Variants in TMX2 observed in about 807,000 individuals in gnomAD.
TMX2 encodes the protein thioredoxin-related transmembrane protein 2.
A neutral mutation model predicts 33.4 loss-of-function variants in TMX2; 20 were observed. That is an observed-to-expected ratio of 0.60 (90% confidence interval 0.42 to 0.87). The LOEUF (loss-of-function observed/expected upper bound fraction) is 0.87. Among genes scored for constraint, TMX2 ranks in the 40% least tolerant of loss-of-function variants. The probability of loss-of-function intolerance (pLI) is 0.00; values close to 1 mark genes in which losing one functional copy is unlikely to be tolerated. For synonymous variants in TMX2, 166 were observed against 140.7 expected (o/e 1.18, Z -1.27); for missense variants, 340 against 370.7 (o/e 0.92, Z 0.68).
Position 57,740,114 on chromosome 11 carries a change from G to C in TMX2, c.760G>C (p.Glu254Gln). 1 of 1,613,948 alleles carries C rather than the reference G, an allele frequency of 6.2e-7. No individual in the cohort carries two copies. Among genetic ancestry groups the C allele is most frequent in the African/African-American group, 1.3e-5 (1 of 75,020 alleles). Reference sequence around the variant, plus strand: ...TTTTGTGCAGGAGAATGTGATCCGAGAATTTAACTTAAATGAGCTATACCA... The same window carrying C: ...TTTTGTGCAGGAGAATGTGATCCGACAATTTAACTTAAATGAGCTATACCA... ...WTFSEENVIREFNLNELYQRA... is the reference protein window; with the variant it reads ...WTFSEENVIRQFNLNELYQRA... The change falls in exon 8 of 8, where the codon GAA (glutamate) becomes CAA (glutamine). Residue 254 changes from glutamate (E) to glutamine (Q), a missense_variant. Around this residue, in one of 3 missense-constraint regions of TMX2, gnomAD observed 209 missense variants for 241.6 expected, o/e 0.87. Coordinates refer to ENST00000278422, the MANE Select transcript of TMX2 (RefSeq NM_015959.4).
rs201985105 is a variant in TMX2 at position 57,712,646 on chromosome 11, C to T, written c.28C>T (p.Leu10Phe). 1.2e-5 allele frequency: 20 copies of T among 1,614,004 alleles called. No individual in the cohort carries two copies. The highest frequency in any genetic ancestry group is 5.5e-5 in the South Asian group (5 of 91,064). ...GGCGGTCTTGGCACCTCTAATTGCT[C>T]TCGTGTATTCGGTGCCGCGACTTTC... MAVLAPLIA[L>F]VYSVPRLSRW... Residue 10 changes from leucine to phenylalanine, a missense_variant, in exon 1 of 8, where the codon CTC becomes TTC. Transcript: ENST00000278422.
intron 1 of TMX2, among the ~76,000 whole-genome samples, chr11:57,722,415 G>C (rs1187775979): frequency 2.0e-5 from 3 of 152,206 alleles, no homozygotes; most frequent in African/African-American, 7.2e-5. Flanking sequence ...GGCCTTGAAA[G>C]ATGGCTCTCT....
chr11:57,712,896 G>A (rs1053230240), intron 1 of TMX2, 89 bp downstream of exon 1: 1 of 1,406,052 alleles, frequency 7.1e-7, no homozygotes, highest in Non-Finnish European at 9.8e-7. Context: ...ACCTCTCTGA[G>A]GACACCTGAG....
chr11:57,727,988 C>T (rs1310022779), intron 1 of TMX2, among the ~76,000 whole-genome samples: 5 of 152,058 alleles, frequency 3.3e-5, no homozygotes, highest in East Asian at 3.9e-4. Flanking sequence ...CCTTTCTGAA[C>T]GAAACCAATG....
intron 1 of TMX2, 40 bp from the exon 2 acceptor site, chr11:57,737,568 G>A (rs751866322): frequency 1.9e-6 from 3 of 1,568,126 alleles, no homozygotes; most frequent in Non-Finnish European, 1.8e-6. Flanking sequence ...GTTAGCTCTA[G>A]TCACTGCATT....
In TMX2 at chr11:57,712,868, C is replaced by T. The variant is rs1946705142; in HGVS notation, c.189+61C>T. The T allele has an allele frequency of 1.9e-6, 3 of 1,583,720 alleles. No homozygotes were observed. In the Admixed American group the frequency reaches 5.1e-5, roughly 27 times the overall value. On this transcript the variant is annotated intron_variant, in intron 1 of 7. Coordinates refer to ENST00000278422, the MANE Select transcript of TMX2 (RefSeq NM_015959.4). ...ACTGTCCCTGCCCTTGCAGGTGTAT[C>T]TGGGAACCCTGGGGTTTACCTCTCT...
chr11:57,722,094 T>TA (rs1476604708), intron 1 of TMX2, among the ~76,000 whole-genome samples: 2 of 152,134 alleles, frequency 1.3e-5, no homozygotes, highest in African/African-American at 2.4e-5. Context: ...CTGCTGCACT[T>TA]AAGCCATCCT....
At chr11:57,738,231 G>A (rs1052404183) in intron 3 of TMX2, 123 bp from the exon 4 acceptor site, 64 of 791,556 alleles carry the variant, frequency 8.1e-5, no homozygotes, top group Non-Finnish European at 1.3e-4. Context: ...GGAATGTGTT[G>A]GTGGTCTACA....
chr11:57,734,065 G>A (rs988577866), intron 1 of TMX2, among the ~76,000 whole-genome samples: 9 of 149,370 alleles, frequency 6.0e-5, no homozygotes, highest in South Asian at 2.1e-4. Flanking sequence ...CCAGCTACTC[G>A]GGAAGCTGAG....
intron 1 of TMX2, among the ~76,000 whole-genome samples, chr11:57,736,542 TATATC>T (rs1948761879): frequency 6.6e-6 from 1 of 151,934 alleles, no homozygotes; most frequent in Admixed American, 6.6e-5. Flanking sequence ...GCTCTCAAAT[TATATC>T]AAAAGTACAT....
At chr11:57,729,323 G>GT (rs531656665) in intron 1 of TMX2, among the ~76,000 whole-genome samples, 14 of 150,322 alleles carry the variant, frequency 9.3e-5, no homozygotes, top group South Asian at 4.2e-4. Context: ...TCTAGGTTCT[G>GT]TTTTTTTTTC....
At chr11:57,718,532 G>T (rs1479410693) in intron 1 of TMX2, 16 of 720,386 alleles carry the variant, frequency 2.2e-5, no homozygotes, top group Non-Finnish European at 3.8e-5. Context: ...GTTGACCATG[G>T]CTGATAGTAC....
intron 1 of TMX2, among the ~76,000 whole-genome samples, chr11:57,728,435 A>C (rs530147110): frequency 1.3e-5 from 2 of 152,138 alleles, no homozygotes; most frequent in Non-Finnish European, 2.9e-5. Context: ...CAGAACCCCA[A>C]AGGAGTTGCC....
intron 1 of TMX2, among the ~76,000 whole-genome samples, chr11:57,737,380 C>T (rs1350445331): frequency 2.0e-5 from 3 of 152,170 alleles, no homozygotes; most frequent in Non-Finnish European, 2.9e-5. Flanking sequence ...AAGAGTGAAA[C>T]TCTGTCTCAA....
chr11:57,737,777 A>C, intron 2 of TMX2, 109 bp downstream of exon 2: 1 of 1,584,948 alleles, frequency 6.3e-7, no homozygotes, highest in Admixed American at 1.7e-5. Context: ...TCCTACGTTT[A>C]ATTCCAAGGC....
chr11:57,720,151 A>G (rs935240100), intron 1 of TMX2, among the ~76,000 whole-genome samples: 6 of 144,572 alleles, frequency 4.2e-5, no homozygotes, highest in African/African-American at 1.5e-4. Flanking sequence ...AAAAAAAAAA[A>G]AAGGTGCCAC....
At chr11:57,713,637 A>G (rs1946785061) in intron 1 of TMX2, among the ~76,000 whole-genome samples, 1 of 152,218 alleles carries the variant, frequency 6.6e-6, no homozygotes, top group Admixed American at 6.5e-5. Context: ...GGGCACATTA[A>G]TAGGAGAAAG....
chr11:57,717,739 G>A, intron 1 of TMX2, among the ~76,000 whole-genome samples: 1 of 110,522 alleles, frequency 9.0e-6, no homozygotes, highest in Non-Finnish European at 1.7e-5. Context: ...AGAGGGGAGA[G>A]GGGAGAGGGG....
intron 1 of TMX2, among the ~76,000 whole-genome samples, chr11:57,714,428 A>C (rs1384353299): frequency 1.3e-5 from 2 of 152,220 alleles, no homozygotes; most frequent in African/African-American, 4.8e-5. Flanking sequence ...GTTTCTTTAG[A>C]GTCTGGAGGG....
Sources: allele counts gnomAD v4.1 joint callset (sites outside exome capture counted in the v4.1 genomes callset), GRCh38; gene constraint gnomAD v4.1.1; regional missense constraint gnomAD v4.1.1; transcripts MANE v1.5; gene names NCBI Gene and HGNC (gene_info 2026-07-23, HGNC 2026-07-21).